The following CELA2B variants were observed in gnomAD, a reference collection of about 807,000 sequenced individuals.
CELA2B encodes chymotrypsin like elastase 2B.
Under a neutral mutation model 36.5 loss-of-function variants are expected in CELA2B, and 27 were observed. The ratio of observed to expected loss-of-function variants is 0.74; its 90% CI spans 0.55 to 1.02. CELA2B has a LOEUF of 1.02. CELA2B is among the 50% of genes least tolerant of loss of function. The pLI is 0.00. For missense variants in CELA2B, 340 were observed against 347.8 expected, an observed-to-expected ratio of 0.98 and a Z score of 0.18; for synonymous variants, 143 against 148.5, an observed-to-expected ratio of 0.96 and a Z score of 0.27.
chr1:15,485,785 G>T, intron 5 of CELA2B, 116 bp from the exon 6 acceptor site: 1 of 1,266,116 alleles, frequency 7.9e-7, no homozygotes, highest in Non-Finnish European at 1.1e-6. Context: ...AAACATGGCT[G>T]TTCCCATGTT....
At chr1:15,486,247 G>A (rs184190986) in intron 6 of CELA2B, among the ~76,000 whole-genome samples, 151 of 152,252 alleles carry the variant, frequency 9.9e-4, no homozygotes, top group African/African-American at 3.4e-3. Flanking sequence ...TTGGGAGGCC[G>A]AGGTGGGTGG....
intron 5 of CELA2B, 70 bp from the exon 6 acceptor site, chr1:15,485,831 T>C (rs1280875591): frequency 3.2e-6 from 5 of 1,573,106 alleles, no homozygotes; most frequent in African/African-American, 2.7e-5. Flanking sequence ...GGAAATCCAG[T>C]AGGGGTCCAC....
At chr1:15,479,634 A>G (rs113111754) in intron 2 of CELA2B, among the ~76,000 whole-genome samples, 2,023 of 152,310 alleles carry the variant, frequency 0.013, 49 homozygotes, top group African/African-American at 0.046. Context: ...TACTATGAAG[A>G]GTAAAGCAGA....
Position 15,486,014 on chromosome 1 carries a change from G to A in CELA2B, c.607G>A (p.Ala203Thr). ...CACCGTGAAGACGAATATGATCTGT[G>A]CTGGGGGTGATGGCGTGATATGCAC... is the stretch of plus-strand genomic sequence containing the variant. ...GSTVKTNMIC[A>T]GGDGVICTCN... Residue 203 changes from alanine (A) to threonine (T), a missense_variant, in exon 6 of 8, where the codon GCT becomes ACT. By Grantham distance (58) the Ala-to-Thr change is moderately conservative (BLOSUM62 0). Transcript: ENST00000375910. 1 of 1,614,156 alleles carries A rather than the reference G, an allele frequency of 6.2e-7. No individual in the cohort carries two copies. Among genetic ancestry groups the A allele is most frequent in the Non-Finnish European group, 8.5e-7 (1 of 1,180,002 alleles).
chr1:15,476,858 T>C (rs907502169), intron 2 of CELA2B, among the ~76,000 whole-genome samples: 1 of 152,162 alleles, frequency 6.6e-6, no homozygotes, highest in Non-Finnish European at 1.5e-5. Context: ...GGCACACGCC[T>C]GTAATCCCAG....
intron 2 of CELA2B, among the ~76,000 whole-genome samples, chr1:15,478,652 G>T (rs1708702033): frequency 6.6e-6 from 1 of 150,594 alleles, no homozygotes; most frequent in South Asian, 2.1e-4. Context: ...TGCAACCTCA[G>T]CCTTTCAGGT....
At chr1:15,483,543 T>C in intron 5 of CELA2B, 143 bp downstream of exon 5, 1 of 1,327,178 alleles carries the variant, frequency 7.5e-7, no homozygotes, top group Non-Finnish European at 1.0e-6. Flanking sequence ...GATGTCTGCC[T>C]GGGTTCAAAT....
intron 2 of CELA2B, 149 bp downstream of exon 2, chr1:15,476,694 C>A (rs572914473): frequency 7.8e-6 from 6 of 773,816 alleles, no homozygotes; most frequent in Non-Finnish European, 1.3e-5. Flanking sequence ...CAACAAGATA[C>A]ATTTCCAGCT....
chr1:15,487,416 C>T lies in CELA2B; in HGVS notation c.771C>T (p.Asn257=), dbSNP rs768216076. The change falls in exon 7 of 8, where the codon AAC becomes AAT. Residue 257 remains asparagine (N), a synonymous_variant. Coordinates refer to ENST00000375910, the MANE Select transcript of CELA2B (RefSeq NM_015849.3). The part of the protein sequence containing the change: ...YKPSIFTRVS[N]YNDWINSVIA... ...CCTCCATCTTCACGCGGGTCTCCAACTACAACGACTGGATCAATTCGGTAA... is the reference window on the plus strand; with the variant it reads ...CCTCCATCTTCACGCGGGTCTCCAATTACAACGACTGGATCAATTCGGTAA... 9.9e-6 allele frequency: 16 copies of T among 1,614,268 alleles called. No homozygotes were observed. The highest frequency in any genetic ancestry group is 1.3e-5 in the Non-Finnish European group (15 of 1,180,056).
intron 6 of CELA2B, 145 bp from the exon 7 acceptor site, chr1:15,487,140 G>A (rs1321019131): frequency 5.7e-6 from 4 of 707,860 alleles, no homozygotes; most frequent in Non-Finnish European, 9.6e-6. Context: ...TTGGAATTAT[G>A]GTACCACCTT....
intron 2 of CELA2B, among the ~76,000 whole-genome samples, chr1:15,480,152 C>G (rs949627775): frequency 1.3e-5 from 2 of 152,022 alleles, no homozygotes; most frequent in Admixed American, 1.3e-4. Context: ...AGGGTGATTG[C>G]GACACACAGT....
intron 7 of CELA2B, among the ~76,000 whole-genome samples, chr1:15,488,524 G>T (rs1388293827): frequency 6.6e-6 from 1 of 152,226 alleles, no homozygotes; most frequent in African/African-American, 2.4e-5. Context: ...GAGACACCAT[G>T]CCTGGTAATA....
rs1391761017 is a variant in CELA2B at position 15,476,249 on chromosome 1, C to T, written c.40+84C>T. On this transcript the variant is annotated intron_variant, in intron 1 of 7. Transcript: ENST00000375910. ...ATCTTCCTGTCCTCCCCTCTCGCCC[C>T]CACCCAACCCCTACTGCATTCAGAC... The T allele has an allele frequency of 8.2e-6, 13 of 1,577,030 alleles. No homozygotes were observed. In the East Asian group the frequency reaches 2.9e-4, roughly 35 times the overall value.
At chr1:15,479,618 G>A (rs569921962) in intron 2 of CELA2B, among the ~76,000 whole-genome samples, 14 of 152,274 alleles carry the variant, frequency 9.2e-5, no homozygotes, top group South Asian at 4.1e-4. Context: ...GCCGGAAAAC[G>A]AAAGATACTA....
chr1:15,478,611 G>C (rs1044615677), intron 2 of CELA2B, among the ~76,000 whole-genome samples: 49 of 148,752 alleles, frequency 3.3e-4, no homozygotes, highest in African/African-American at 1.2e-3. Flanking sequence ...TGTCACCCAG[G>C]CTGGAGTGCA....
At chr1:15,484,088 C>T (rs1012900990) in intron 5 of CELA2B, among the ~76,000 whole-genome samples, 16 of 152,150 alleles carry the variant, frequency 1.1e-4, no homozygotes, top group African/African-American at 3.9e-4. Flanking sequence ...CATGTGACAT[C>T]TTCTGTGTGG....
At chr1:15,484,112 T>C (rs1557525804) in intron 5 of CELA2B, among the ~76,000 whole-genome samples, 1 of 152,008 alleles carries the variant, frequency 6.6e-6, no homozygotes, top group Non-Finnish European at 1.5e-5. Flanking sequence ...AAGGCTAGAG[T>C]TCAGAACAGC....
At position 15,486,037 on chromosome 1, in the gene CELA2B, C is replaced by T. The variant is rs1260496639; in HGVS notation, c.630C>T (p.Cys210=). 1.9e-6 allele frequency: 3 copies of T among 1,613,162 alleles called. No individual in the cohort carries two copies. Among genetic ancestry groups the T allele is most frequent in the Non-Finnish European group, 2.5e-6 (3 of 1,179,418 alleles). The change falls in exon 6 of 8, where the codon TGC becomes TGT. Residue 210 remains cysteine, a synonymous_variant. Transcript: ENST00000375910. ...GTGCTGGGGGTGATGGCGTGATATG[C>T]ACCTGCAACGTGAGTACCAAAAATC... is the stretch of plus-strand genomic sequence containing the variant. The part of the protein sequence containing the change: ...MICAGGDGVI[C]TCNGDSGGPL...
At position 15,485,918 on chromosome 1, in the gene CELA2B, G is replaced by C; in HGVS notation, c.511G>C (p.Asp171His). 6.2e-7 allele frequency: 1 copy of C among 1,614,196 alleles called. No individual in the cohort carries two copies. ...GRLQTNGALP[D>H]DLKQGQLLVV... Reference sequence around the variant, plus strand: ...TCATTCAGCCAACGGGGCTCTCCCTGATGACCTGAAGCAGGGCCAGTTGCT... The same window carrying C: ...TCATTCAGCCAACGGGGCTCTCCCTCATGACCTGAAGCAGGGCCAGTTGCT... Residue 171 changes from aspartate (D) to histidine (H), a missense_variant, in exon 6 of 8, where the codon GAT becomes CAT. Physicochemically the swap from Asp to His is moderately conservative, Grantham distance 81. Transcript: ENST00000375910.
Sources: gnomAD v4.1 joint callset for allele counts (sites outside exome capture counted in the v4.1 genomes callset) on GRCh38, gnomAD v4.1.1 for gene constraint, MANE v1.5 for transcripts, NCBI Gene and HGNC (gene_info 2026-07-23, HGNC 2026-07-21) for gene names.